Variants in GRIK4 observed in about 807,000 individuals in gnomAD.
GRIK4 encodes the protein glutamate receptor ionotropic, kainate 4.
In GRIK4, 40 loss-of-function variants were observed where a neutral mutation model predicts 104.9. That is an observed-to-expected ratio of 0.38 (90% CI 0.30 to 0.50). GRIK4 has a LOEUF of 0.50. Among genes scored for constraint, GRIK4 ranks in the 20% least tolerant of loss-of-function variants. The pLI is 0.93. For synonymous variants in GRIK4, 485 were observed against 524.9 expected (o/e 0.92, Z 1.04); for missense variants, 1,047 against 1,308.1 (o/e 0.80, Z 3.08).
intron 1 of GRIK4, among the ~76,000 whole-genome samples, chr11:120,638,111 C>T (rs1479178134): frequency 6.6e-6 from 1 of 152,114 alleles, no homozygotes; most frequent in Non-Finnish European, 1.5e-5. Flanking sequence ...AACTCCTGAC[C>T]TCAGGTGTTC....
chr11:120,710,562 C>A (rs908699386), intron 3 of GRIK4, among the ~76,000 whole-genome samples: 1 of 152,152 alleles, frequency 6.6e-6, no homozygotes, highest in Non-Finnish European at 1.5e-5. Flanking sequence ...CGGGCTCTTT[C>A]TTCTGGGCAC....
intron 6 of GRIK4, among the ~76,000 whole-genome samples, chr11:120,828,206 A>G (rs572940934): frequency 2.2e-4 from 33 of 152,324 alleles, no homozygotes; most frequent in African/African-American, 7.0e-4. Flanking sequence ...GGAAGTCTGA[A>G]ATGGGCTCCC....
chr11:120,838,578 TAGTC>T (rs757010219), intron 8 of GRIK4, among the ~76,000 whole-genome samples: 5 of 152,168 alleles, frequency 3.3e-5, no homozygotes, highest in Non-Finnish European at 7.3e-5. Flanking sequence ...GGTTGAATAA[TAGTC>T]AAGAAAACGA....
Position 120,717,900 on chromosome 11 carries a change from C to T in GRIK4, c.82+57500C>T, listed in dbSNP as rs114958544. Among the ~76,000 whole-genome samples, 491 of 152,280 alleles carry T rather than the reference C, an allele frequency of 3.2e-3. 4 individuals carry two copies. The highest frequency in any genetic ancestry group is 0.011 in the African/African-American group (473 of 41,558). On this transcript the variant is annotated intron_variant, in intron 3 of 20. Transcript: ENST00000527524. ...GAGCAGCTGGGGGATGGGGAGACCT[C>T]CCAGCAAGGCTGGGGTAGGAAATGG...
intron 13 of GRIK4, among the ~76,000 whole-genome samples, chr11:120,919,093 G>A (rs915647663): frequency 4.6e-5 from 7 of 152,218 alleles, no homozygotes; most frequent in Admixed American, 2.6e-4. Context: ...CCACTGCAAT[G>A]CCTCTCAGGG....
intron 11 of GRIK4, among the ~76,000 whole-genome samples, chr11:120,898,113 T>C (rs1942635394): frequency 6.6e-6 from 1 of 152,190 alleles, no homozygotes; most frequent in Non-Finnish European, 1.5e-5. Flanking sequence ...GGCATAGTTC[T>C]CTCCAGTATA....
rs1944061277 is a variant in GRIK4 at position 120,953,610 on chromosome 11, G to A, written c.1700+646G>A. 6.6e-6 allele frequency among the ~76,000 whole-genome samples: 1 copy of A among 152,168 alleles called. No homozygotes were observed. Among genetic ancestry groups the A allele is most frequent in the Non-Finnish European group, 1.5e-5 (1 of 68,018 alleles). ...AGTTGAGACGCACGGGCCAGACCAG[G>A]GAGGGGGGAGAATAAGCCCTGCCCT... On this transcript the variant is annotated intron_variant, in intron 15 of 20. Transcript: ENST00000527524. This position sits in a 1 kb window ranked among gnomAD's most constrained non-coding sequence, Gnocchi z 4.9.
At chr11:120,544,994 C>T (rs1460111264) in intron 1 of GRIK4, among the ~76,000 whole-genome samples, 1 of 152,044 alleles carries the variant, frequency 6.6e-6, no homozygotes, top group East Asian at 1.9e-4. Flanking sequence ...GCAGGGTTCC[C>T]GCTTTCTCTA....
intron 3 of GRIK4, among the ~76,000 whole-genome samples, chr11:120,728,081 C>T (rs61901403): frequency 6.6e-6 from 1 of 152,010 alleles, no homozygotes; most frequent in African/African-American, 2.4e-5. Context: ...GCACACTGTG[C>T]ACCTCAGAAT....
At chr11:120,749,807 G>A (rs1297931863) in intron 3 of GRIK4, among the ~76,000 whole-genome samples, 1 of 152,218 alleles carries the variant, frequency 6.6e-6, no homozygotes, top group African/African-American at 2.4e-5. Context: ...GGGCTCAGCG[G>A]TGGGCGGGGG....
At chr11:120,752,172 G>C (rs9667343) in intron 3 of GRIK4, among the ~76,000 whole-genome samples, 14,817 of 152,176 alleles carry the variant, frequency 0.097, 916 homozygotes, top group African/African-American at 0.17. Context: ...AGACACTCAG[G>C]GCAACCGGGG....
rs556924935 is a variant in GRIK4 at position 120,807,950 on chromosome 11, G to A, written c.247+5093G>A. On this transcript the variant is annotated intron_variant, in intron 4 of 20. Transcript: ENST00000527524. ...GCCAATGAGTGGCACAGACAGGGGA[G>A]CAGGAGGTCAGAACTAGGAGGTAGG... 5.0e-4 allele frequency among the ~76,000 whole-genome samples: 76 copies of A among 152,330 alleles called. 1 individual carries two copies. The highest frequency in any genetic ancestry group is 9.1e-4 in the Non-Finnish European group (62 of 68,028).
intron 14 of GRIK4, among the ~76,000 whole-genome samples, chr11:120,950,374 T>C (rs1187761489): frequency 1.3e-5 from 2 of 152,358 alleles, no homozygotes; most frequent in East Asian, 3.9e-4. Context: ...TCATTCCTTA[T>C]CACCCATAAC....
intron 9 of GRIK4, chr11:120,868,502 T>C (rs1051485001): frequency 3.0e-5 from 4 of 133,880 alleles, no homozygotes; most frequent in African/African-American, 1.2e-4. Flanking sequence ...AAAGGAAATG[T>C]ATTGAGAGAG....
rs140480609 is a variant in GRIK4 at position 120,760,423 on chromosome 11, A to G, written c.83-42270A>G. 5.8e-3 allele frequency among the ~76,000 whole-genome samples: 677 copies of G among 116,066 alleles called. 5 individuals carry two copies. The highest frequency in any genetic ancestry group is 0.028 in the African/African-American group (659 of 23,456). 76.1% of individuals were successfully genotyped at this position (116,066 alleles called of 152,430 possible). ...TATAAACATAGATATACATATATAA[A>G]CATATATATACATATATATATATAC... On this transcript the variant is annotated intron_variant, in intron 3 of 20. Transcript: ENST00000527524.
At chr11:120,708,883 T>C (rs1037357572) in intron 3 of GRIK4, among the ~76,000 whole-genome samples, 1 of 151,650 alleles carries the variant, frequency 6.6e-6, no homozygotes, top group Non-Finnish European at 1.5e-5. Flanking sequence ...AGGTTGGTTT[T>C]TGCTTGCAGG....
intron 18 of GRIK4, among the ~76,000 whole-genome samples, chr11:120,964,747 A>G (rs1383523826): frequency 6.6e-6 from 1 of 152,222 alleles, no homozygotes; most frequent in East Asian, 1.9e-4. Context: ...CTGTTTTCAC[A>G]TGTTCTCTCA....
intron 13 of GRIK4, among the ~76,000 whole-genome samples, chr11:120,922,385 T>C (rs1591287035): frequency 6.6e-6 from 1 of 152,262 alleles, no homozygotes; most frequent in South Asian, 2.1e-4. Flanking sequence ...GGGTGGTACC[T>C]CAGTCACCCC....
chr11:120,915,621 T>C (rs1472441972), intron 13 of GRIK4, among the ~76,000 whole-genome samples: 1 of 152,132 alleles, frequency 6.6e-6, no homozygotes, highest in Non-Finnish European at 1.5e-5. Context: ...CTTTCTGATT[T>C]GCCCTGTCCT....
Sources: gnomAD v4.1 joint callset for allele counts (sites outside exome capture counted in the v4.1 genomes callset) on GRCh38, gnomAD v4.1.1 for gene constraint, Gnocchi (gnomAD v3.1) non-coding constraint, MANE v1.5 for transcripts, NCBI Gene and HGNC (gene_info 2026-07-23, HGNC 2026-07-21) for gene names.